PHF21A: variants seen among roughly 807,000 people sequenced by gnomAD.
PHF21A encodes the protein PHD finger protein 21A.
In PHF21A, 11 loss-of-function variants were observed where a neutral mutation model predicts 82.5. That is an observed-to-expected ratio of 0.13 (90% CI 0.08 to 0.22). The LOEUF (loss-of-function observed/expected upper bound fraction) is 0.22, where lower values mean the gene tolerates loss of function less well. PHF21A is among the 10% of genes least tolerant of loss of function. PHF21A has a pLI of 1.00. For synonymous variants in PHF21A, 297 were observed against 302.8 expected (o/e 0.98, Z 0.20); for missense variants, 579 against 837.8 (o/e 0.69, Z 3.81).
chr11:46,093,797 C>G (rs2096956429), intron 1 of PHF21A, among the ~76,000 whole-genome samples: 1 of 152,154 alleles, frequency 6.6e-6, no homozygotes, highest in Non-Finnish European at 1.5e-5. Flanking sequence ...TTCATGTTAG[C>G]TCTTTTAGGC....
chr11:46,052,181 C>A (rs1038289476), intron 6 of PHF21A, among the ~76,000 whole-genome samples: 1 of 152,082 alleles, frequency 6.6e-6, no homozygotes, highest in African/African-American at 2.4e-5. Flanking sequence ...CAGGAAAAAA[C>A]AAACAAATAA....
intron 1 of PHF21A, among the ~76,000 whole-genome samples, chr11:46,113,600 C>T (rs187693243): frequency 4.6e-5 from 7 of 152,158 alleles, no homozygotes; most frequent in African/African-American, 1.2e-4. Context: ...GAGGCTGAGG[C>T]GGGTGAATTA....
chr11:46,111,116 G>A (rs535479079), intron 1 of PHF21A, among the ~76,000 whole-genome samples: 3 of 151,122 alleles, frequency 2.0e-5, no homozygotes, highest in Admixed American at 6.6e-5. Context: ...CAACTATGTG[G>A]GGGGGGAGGC....
chr11:46,079,054 A>G (rs557371624), intron 5 of PHF21A, 80 bp downstream of exon 5: 2 of 799,684 alleles, frequency 2.5e-6, no homozygotes, highest in East Asian at 5.5e-5. Context: ...AGTACCATCT[A>G]TATTTAAGTA....
chr11:46,093,148 T>G (rs972546393), intron 1 of PHF21A, among the ~76,000 whole-genome samples: 1 of 152,174 alleles, frequency 6.6e-6, no homozygotes, highest in Non-Finnish European at 1.5e-5. Flanking sequence ...GAAAGAAAAT[T>G]TAGGTTTTGG....
rs75931605 is a variant in PHF21A, at chr11:45,950,768, G to A, written c.1096-511C>T. 7.1e-4 allele frequency among the ~76,000 whole-genome samples: 108 copies of A among 152,244 alleles called. 2 individuals are homozygous for A. Among genetic ancestry groups the A allele is most frequent in the East Asian group, 5.2e-3 (27 of 5,186 alleles). On this transcript the variant is annotated intron_variant, in intron 11 of 18. Coordinates refer to ENST00000676320, the MANE Select transcript of PHF21A (RefSeq NM_001352027.3). ...AGAAAAATCCTCTTAAAAAGAAGAG[G>A]ATTTCATACTCACAAAACATGCAGA... is the stretch of plus-strand genomic sequence containing the variant.
intron 1 of PHF21A, among the ~76,000 whole-genome samples, chr11:46,119,278 A>G (rs2136211735): frequency 6.6e-6 from 1 of 152,332 alleles, no homozygotes; most frequent in South Asian, 2.1e-4. Context: ...GCTATGGGGC[A>G]AATCTTTGAA....
At chr11:46,096,304 C>A (rs1410230401) in intron 1 of PHF21A, among the ~76,000 whole-genome samples, 1 of 151,520 alleles carries the variant, frequency 6.6e-6, no homozygotes, top group African/African-American at 2.4e-5. Flanking sequence ...AAAAAACCCT[C>A]TTGACTCCAT....
At chr11:45,972,111 G>A (rs114582398) in intron 7 of PHF21A, among the ~76,000 whole-genome samples, 3 of 151,644 alleles carry the variant, frequency 2.0e-5, no homozygotes, top group Admixed American at 1.3e-4. Flanking sequence ...AACTGCTGCA[G>A]AAGTGATCAA....
intron 6 of PHF21A, among the ~76,000 whole-genome samples, chr11:45,989,026 A>C (rs892046817): frequency 1.3e-5 from 2 of 152,168 alleles, no homozygotes; most frequent in African/African-American, 4.8e-5. Context: ...CAATGTTATA[A>C]ATTTACTTTC....
chr11:45,989,595 G>C (rs2094609160), intron 6 of PHF21A, among the ~76,000 whole-genome samples: 1 of 151,720 alleles, frequency 6.6e-6, no homozygotes, highest in African/African-American at 2.4e-5. Context: ...CTTGGACCCA[G>C]GAGGTGGAGG....
intron 6 of PHF21A, among the ~76,000 whole-genome samples, chr11:45,984,200 C>T (rs193177827): frequency 2.6e-5 from 4 of 152,180 alleles, no homozygotes; most frequent in African/African-American, 9.6e-5. Context: ...AGAACAAAGA[C>T]GGAAGGGAGA....
chr11:46,039,321 T>A (rs1186757051), intron 6 of PHF21A, among the ~76,000 whole-genome samples: 2 of 152,232 alleles, frequency 1.3e-5, no homozygotes, highest in East Asian at 3.8e-4. Flanking sequence ...GCTGATTCTC[T>A]TCATAGAACT....
chr11:45,995,214 C>T (rs143429437), intron 6 of PHF21A, among the ~76,000 whole-genome samples: 3 of 152,112 alleles, frequency 2.0e-5, no homozygotes, highest in Non-Finnish European at 2.9e-5. Context: ...TACAGTGGAA[C>T]GAACCCACTC....
chr11:45,934,613 T>C (rs1315542916), intron 18 of PHF21A: 7 of 229,766 alleles, frequency 3.0e-5, no homozygotes, highest in African/African-American at 1.6e-4. Flanking sequence ...GATATGCTTC[T>C]GTCATGCTAA....
intron 6 of PHF21A, among the ~76,000 whole-genome samples, chr11:46,044,896 T>C (rs2096231652): frequency 1.3e-5 from 2 of 152,204 alleles, no homozygotes; most frequent in Admixed American, 6.5e-5. Context: ...AATGCTAAAG[T>C]ATTCCATTCA....
At chr11:45,943,102 T>C (rs1328840991) in intron 15 of PHF21A, among the ~76,000 whole-genome samples, 1 of 149,158 alleles carries the variant, frequency 6.7e-6, no homozygotes, top group East Asian at 2.0e-4. Flanking sequence ...CAAGCTATCA[T>C]CATCATCATC....
At chr11:45,955,201 G>C (rs995810705) in intron 10 of PHF21A, among the ~76,000 whole-genome samples, 1 of 152,224 alleles carries the variant, frequency 6.6e-6, no homozygotes, top group East Asian at 1.9e-4. Context: ...TTCATGCAGA[G>C]CGGGTGTATA....
At chr11:46,032,727 T>C (rs2095892377) in intron 6 of PHF21A, among the ~76,000 whole-genome samples, 1 of 152,200 alleles carries the variant, frequency 6.6e-6, no homozygotes, top group Non-Finnish European at 1.5e-5. Flanking sequence ...ACAGACTTGA[T>C]ACCCTTAAAA....
Sources: allele counts gnomAD v4.1 joint callset (sites outside exome capture counted in the v4.1 genomes callset), GRCh38; gene constraint gnomAD v4.1.1; transcripts MANE v1.5; gene names NCBI Gene and HGNC (gene_info 2026-07-23, HGNC 2026-07-21).